NAALADL2: variants seen among roughly 807,000 people sequenced by gnomAD.
The protein encoded by NAALADL2 is inactive N-acetylated-alpha-linked acidic dipeptidase-like protein 2.
Under a neutral mutation model 87.2 loss-of-function variants are expected in NAALADL2, and 76 were observed. The ratio of observed to expected loss-of-function variants is 0.87; its 90% CI spans 0.72 to 1.05. NAALADL2 has a LOEUF of 1.05. Ranked by LOEUF, NAALADL2 falls within the 50% of genes least tolerant of loss-of-function variation. The pLI, the probability that NAALADL2 is intolerant of heterozygous loss-of-function variation, is 0.00. For missense variants in NAALADL2, 1,089 were observed against 945.8 expected (o/e 1.15, Z -1.99); for synonymous variants, 354 against 331.0 (o/e 1.07, Z -0.75).
chr3:174,802,505 T>G (rs1179172795), intron 3 of NAALADL2, among the ~76,000 whole-genome samples: 1 of 152,166 alleles, frequency 6.6e-6, no homozygotes, highest in Non-Finnish European at 1.5e-5. Flanking sequence ...TATTATACTT[T>G]AAGTTCTAGG....
At chr3:175,289,575 T>G (rs1248388171) in intron 4 of NAALADL2, among the ~76,000 whole-genome samples, 3 of 149,636 alleles carry the variant, frequency 2.0e-5, no homozygotes, top group Non-Finnish European at 4.4e-5. Flanking sequence ...GAAGATTTTC[T>G]TAGAACACAT....
At chr3:174,844,004 A>G (rs1485446976) in intron 3 of NAALADL2, among the ~76,000 whole-genome samples, 1 of 152,152 alleles carries the variant, frequency 6.6e-6, no homozygotes, top group Non-Finnish European at 1.5e-5. Flanking sequence ...TTTGCTATGC[A>G]AAAGCTTTTC....
At chr3:175,398,628 A>G (rs1478013841) in intron 5 of NAALADL2, among the ~76,000 whole-genome samples, 1 of 152,064 alleles carries the variant, frequency 6.6e-6, no homozygotes, top group Non-Finnish European at 1.5e-5. Context: ...ACTTAAAGGT[A>G]TTGATAAATA....
chr3:174,640,086 G>A (rs1038719933), intron 2 of NAALADL2, among the ~76,000 whole-genome samples: 1 of 152,162 alleles, frequency 6.6e-6, no homozygotes, highest in East Asian at 1.9e-4. Context: ...ATCCACGTTA[G>A]GGGGAGGGAA....
intron 5 of NAALADL2, chr3:175,397,167 A>C (rs1034248287): frequency 3.0e-4 from 46 of 152,224 alleles, no homozygotes; most frequent in African/African-American, 9.9e-4. Flanking sequence ...CCCACTTGAG[A>C]ATTTAGTTTC....
chr3:174,721,912 T>C (rs2108953992), intron 2 of NAALADL2, among the ~76,000 whole-genome samples: 1 of 152,234 alleles, frequency 6.6e-6, no homozygotes, highest in South Asian at 2.1e-4. Context: ...CAAGACGCAT[T>C]TCAGGACTAC....
intron 9 of NAALADL2, among the ~76,000 whole-genome samples, chr3:175,482,613 T>C (rs550722688): frequency 2.0e-5 from 3 of 152,058 alleles, no homozygotes; most frequent in South Asian, 4.1e-4. Context: ...TTCTAAAAAA[T>C]AGTTTTTCAT....
intron 1 of NAALADL2, among the ~76,000 whole-genome samples, chr3:174,949,941 A>G (rs562222571): frequency 2.2e-4 from 34 of 152,164 alleles, no homozygotes; most frequent in African/African-American, 6.8e-4. Flanking sequence ...AGTTCTCAAG[A>G]TTGTTATCCA....
intron 2 of NAALADL2, among the ~76,000 whole-genome samples, chr3:175,120,294 T>C (rs1725959599): frequency 6.6e-6 from 1 of 151,778 alleles, no homozygotes; most frequent in South Asian, 2.1e-4. Flanking sequence ...TTAAAACCCC[T>C]GTTTAATGTG....
At chr3:174,702,688 T>C (rs968102162) in intron 2 of NAALADL2, among the ~76,000 whole-genome samples, 1 of 152,190 alleles carries the variant, frequency 6.6e-6, no homozygotes, top group Non-Finnish European at 1.5e-5. Flanking sequence ...CTCAATACAG[T>C]AGACAATTGT....
intron 5 of NAALADL2, among the ~76,000 whole-genome samples, chr3:175,336,951 C>T (rs188372394): frequency 1.1e-3 from 174 of 152,114 alleles, no homozygotes; most frequent in Middle Eastern, 3.4e-3. Flanking sequence ...AATACAGATA[C>T]GCACATTTTC....
At chr3:175,046,787 C>CAGCTCTGTGAT (rs1351254067) in intron 1 of NAALADL2, among the ~76,000 whole-genome samples, 1 of 152,154 alleles carries the variant, frequency 6.6e-6, no homozygotes, top group East Asian at 1.9e-4. Flanking sequence ...ATCTTCTTCC[C>CAGCTCTGTGAT]AGCTCTGTGA....
intron 2 of NAALADL2, among the ~76,000 whole-genome samples, chr3:174,724,652 A>T (rs2108962196): frequency 6.6e-6 from 1 of 152,246 alleles, no homozygotes; most frequent in South Asian, 2.1e-4. Flanking sequence ...TTTATTGCAT[A>T]TAGTAAACAT....
At chr3:174,823,277 C>A (rs1442330489) in intron 3 of NAALADL2, among the ~76,000 whole-genome samples, 1 of 151,454 alleles carries the variant, frequency 6.6e-6, no homozygotes, top group African/African-American at 2.4e-5. Flanking sequence ...AAATACAGCT[C>A]CTTCTTTTCC....
At chr3:174,893,867 T>A (rs535599778) in intron 1 of NAALADL2, among the ~76,000 whole-genome samples, 5 of 152,156 alleles carry the variant, frequency 3.3e-5, no homozygotes, top group Non-Finnish European at 7.4e-5. Flanking sequence ...CCCTAACTTA[T>A]TAATAATAAC....
chr3:175,395,716 A>G (rs759977998), intron 5 of NAALADL2, among the ~76,000 whole-genome samples: 1 of 152,184 alleles, frequency 6.6e-6, no homozygotes, highest in Non-Finnish European at 1.5e-5. Flanking sequence ...TTTCTGTATA[A>G]TCTTTGCATA....
intron 11 of NAALADL2, among the ~76,000 whole-genome samples, chr3:175,653,450 T>A (rs143320888): frequency 6.6e-6 from 1 of 152,330 alleles, no homozygotes; most frequent in East Asian, 1.9e-4. Flanking sequence ...TTCCTCTTCA[T>A]CTGGCACTGG....
At chr3:175,024,438 T>C (rs1751962177) in intron 1 of NAALADL2, among the ~76,000 whole-genome samples, 1 of 152,106 alleles carries the variant, frequency 6.6e-6, no homozygotes, top group South Asian at 2.1e-4. Flanking sequence ...ATGCTTTGTG[T>C]ATCTTAACCT....
intron 11 of NAALADL2, chr3:175,718,260 G>A (rs1741673765): frequency 7.1e-7 from 1 of 1,400,918 alleles, no homozygotes; most frequent in Non-Finnish European, 9.9e-7. Flanking sequence ...GGGCGACTGA[G>A]GGAGTTTCAT....
Sources: allele counts gnomAD v4.1 joint callset (sites outside exome capture counted in the v4.1 genomes callset), GRCh38; gene constraint gnomAD v4.1.1; transcripts MANE v1.5; gene names NCBI Gene and HGNC (gene_info 2026-07-23, HGNC 2026-07-21).